Variants in CRLS1 observed in about 807,000 individuals in gnomAD.
CRLS1 encodes the protein cardiolipin synthase (CMP-forming).
Under a neutral mutation model 37.0 loss-of-function variants are expected in CRLS1, and 24 were observed. The ratio of observed to expected loss-of-function variants is 0.65; its 90% CI spans 0.47 to 0.91. The LOEUF is 0.91. Among genes scored for constraint, CRLS1 ranks in the 40% least tolerant of loss-of-function variants. CRLS1 has a pLI of 0.00. For missense variants in CRLS1, 373 were observed against 395.8 expected (o/e 0.94, Z 0.49); for synonymous variants, 135 against 159.7 (o/e 0.85, Z 1.17).
chr20:6,011,511 A>G (rs1184205631), intron 2 of CRLS1, among the ~76,000 whole-genome samples: 3 of 142,138 alleles, frequency 2.1e-5, no homozygotes, highest in South Asian at 4.4e-4. Context: ...TTTAGCGTCT[A>G]CTAATATTTG....
chr20:6,031,434 A>G, intron 4 of CRLS1, 64 bp downstream of exon 4: 1 of 1,299,412 alleles, frequency 7.7e-7, no homozygotes, highest in South Asian at 1.3e-5. Context: ...AAGCAAAAAG[A>G]CATATTTTTG....
intron 1 of CRLS1, among the ~76,000 whole-genome samples, chr20:6,007,765 T>C (rs1469048699): frequency 6.6e-6 from 1 of 152,186 alleles, no homozygotes; most frequent in Non-Finnish European, 1.5e-5. Context: ...TTTGACTTAT[T>C]CTCTACCATA....
chr20:6,033,969 C>G (rs1980371091), intron 5 of CRLS1, among the ~76,000 whole-genome samples: 1 of 152,178 alleles, frequency 6.6e-6, no homozygotes, highest in Non-Finnish European at 1.5e-5. Flanking sequence ...TTTTAATTTT[C>G]TAACCTCACA....
At position 6,032,986 on chromosome 20, in the gene CRLS1, G is replaced by A. The variant is rs557759687; in HGVS notation, c.729+906G>A. Among the ~76,000 whole-genome samples, 56 of 152,158 alleles carry A rather than the reference G, an allele frequency of 3.7e-4. 1 individual carries two copies. Among genetic ancestry groups the A allele is most frequent in the African/African-American group, 1.2e-3 (51 of 41,492 alleles). On this transcript the variant is annotated intron_variant, in intron 5 of 6. Transcript: ENST00000378863. ...GTGTTTATATTGTATGGCAATTTGA[G>A]TGTAGCGTTACATGGAAAGTGCTTA...
At position 6,037,228 on chromosome 20, in the gene CRLS1, C is replaced by A; in HGVS notation, c.*70C>A. On this transcript the variant is annotated 3_prime_UTR_variant, in exon 7 of 7. Coordinates refer to ENST00000378863, the MANE Select transcript of CRLS1 (RefSeq NM_019095.6). Reference sequence around the variant, plus strand: ...TGGGAACAGGGCCCATGGAAATGTACAGGAGTTTCCCTATTTTGGTGTTCA... The same window carrying A: ...TGGGAACAGGGCCCATGGAAATGTAAAGGAGTTTCCCTATTTTGGTGTTCA... 1.9e-6 allele frequency: 2 copies of A among 1,077,964 alleles called. No homozygotes were observed. Among genetic ancestry groups the A allele is most frequent in the Non-Finnish European group, 2.7e-6 (2 of 746,188 alleles). 66.8% of individuals were successfully genotyped at this position (1,077,964 alleles called of 1,614,324 possible).
At chr20:6,032,363 C>CTTTTTTT (rs199513049) in intron 5 of CRLS1, among the ~76,000 whole-genome samples, 1 of 130,144 alleles carries the variant, frequency 7.7e-6, no homozygotes, top group African/African-American at 2.9e-5. Flanking sequence ...GTAATTGTTC[C>CTTTTTTT]TTTTTTTTTT....
At chr20:6,023,096 G>T (rs1568624664) in intron 3 of CRLS1, among the ~76,000 whole-genome samples, 1 of 151,868 alleles carries the variant, frequency 6.6e-6, no homozygotes, top group Non-Finnish European at 1.5e-5. Flanking sequence ...TTTTGGACTT[G>T]CTAAGTTGTC....
Position 6,037,059 on chromosome 20 carries a change from T to C in CRLS1, c.822-15T>C, listed in dbSNP as rs1356095013. 3 of 1,593,626 alleles carry C rather than the reference T, an allele frequency of 1.9e-6. No individual in the cohort carries two copies. The highest frequency in any genetic ancestry group is 3.4e-5 in the Admixed American group (2 of 59,584). On this transcript the variant is annotated splice_polypyrimidine_tract_variant and intron_variant, in intron 6 of 6. Transcript: ENST00000378863. Reference sequence around the variant, plus strand: ...GACTTGACAACTACATTTTATTTCTTTTCTTCCATAAAAGGTGTTTTACAG... The same window carrying C: ...GACTTGACAACTACATTTTATTTCTCTTCTTCCATAAAAGGTGTTTTACAG...
intron 2 of CRLS1, among the ~76,000 whole-genome samples, chr20:6,010,600 G>T (rs2090120111): frequency 6.6e-6 from 1 of 152,114 alleles, no homozygotes; most frequent in African/African-American, 2.4e-5. Context: ...GAGGAGAGGA[G>T]GATTTATTCA....
At chr20:6,007,184 A>G in intron 1 of CRLS1, 1 of 1,380,272 alleles carries the variant, frequency 7.2e-7, no homozygotes. Context: ...ATGTCATGTT[A>G]GCAAGACTCA....
rs138280161 is a variant in CRLS1 at position 6,026,456 on chromosome 20, T to G, written c.575-4829T>G. Among the ~76,000 whole-genome samples the G allele has an allele frequency of 3.9e-3, 601 of 152,288 alleles. 2 individuals carry two copies. The highest frequency in any genetic ancestry group is 0.014 in the African/African-American group (569 of 41,550). ...ATTCGTGCAACTCACTTTACTGCAG[T>G]ATTAGCTTTGTTGCGGTGGTCTGGA... On this transcript the variant is annotated intron_variant, in intron 3 of 6. Transcript: ENST00000378863.
chr20:6,011,573 T>G (rs6117034), intron 2 of CRLS1, among the ~76,000 whole-genome samples: 1 of 35,336 alleles, frequency 2.8e-5, no homozygotes, highest in African/African-American at 2.6e-4. Context: ...TTGTCCCTGC[T>G]TTTTTTTTTT....
intron 3 of CRLS1, among the ~76,000 whole-genome samples, chr20:6,029,212 G>T (rs1321443007): frequency 6.6e-6 from 1 of 151,642 alleles, no homozygotes; most frequent in African/African-American, 2.4e-5. Flanking sequence ...GATGCTAATT[G>T]TTAGGTCACA....
chr20:6,035,293 A>G (rs1045900726), intron 6 of CRLS1, among the ~76,000 whole-genome samples: 21 of 152,318 alleles, frequency 1.4e-4, no homozygotes, highest in African/African-American at 4.8e-4. Context: ...ACCTTCTGAT[A>G]TAGGATGAAG....
chr20:6,012,089 G>C (rs573003823), intron 2 of CRLS1, among the ~76,000 whole-genome samples: 1 of 151,434 alleles, frequency 6.6e-6, no homozygotes, highest in South Asian at 2.1e-4. Context: ...ATGTTAGAGA[G>C]GCCCCATTAA....
chr20:6,033,245 T>A (rs1980311121), intron 5 of CRLS1, among the ~76,000 whole-genome samples: 1 of 152,038 alleles, frequency 6.6e-6, no homozygotes, highest in Non-Finnish European at 1.5e-5. Flanking sequence ...TTCTCCTGCC[T>A]CAGTCTCCCA....
At position 6,037,120 on chromosome 20, in the gene CRLS1, CATT is replaced by C. The variant is rs1187354704; in HGVS notation, c.871_873del (p.Tyr291del). 1.9e-6 allele frequency: 3 copies of C among 1,613,648 alleles called. No individual in the cohort carries two copies. The East Asian group carries it at 6.7e-5, about 36-fold the overall frequency. ...AGCTGCATCAGCTTATAGTTACTAT[CATT>C]ATGGCCGGAAGACTGTTCAGGTGAT... On this transcript the variant is annotated inframe_deletion, in exon 7 of 7. Coordinates refer to ENST00000378863, the MANE Select transcript of CRLS1 (RefSeq NM_019095.6).
At chr20:6,016,554 A>T (rs1326323257) in intron 3 of CRLS1, among the ~76,000 whole-genome samples, 1 of 152,116 alleles carries the variant, frequency 6.6e-6, no homozygotes, top group Non-Finnish European at 1.5e-5. Context: ...TGATGGGACT[A>T]TTGGCTTGAA....
intron 3 of CRLS1, among the ~76,000 whole-genome samples, chr20:6,020,913 T>C (rs957464116): frequency 7.9e-5 from 12 of 151,800 alleles, no homozygotes; most frequent in African/African-American, 2.9e-4. Flanking sequence ...ATTACAGGCG[T>C]GAGCCACCGC....
Sources: gnomAD v4.1 joint callset for allele counts (sites outside exome capture counted in the v4.1 genomes callset) on GRCh38, gnomAD v4.1.1 for gene constraint, MANE v1.5 for transcripts, NCBI Gene and HGNC (gene_info 2026-07-23, HGNC 2026-07-21) for gene names.